ZNF850: variants seen among roughly 807,000 people sequenced by gnomAD.
ZNF850 encodes the protein zinc finger protein 850.
In ZNF850, 2 loss-of-function variants were observed where a neutral mutation model predicts 11.9. The ratio of observed to expected loss-of-function variants is 0.17; its 90% CI spans 0.07 to 0.53. The LOEUF (loss-of-function observed/expected upper bound fraction) is 0.53, where lower values mean the gene tolerates loss of function less well. Among genes scored for constraint, ZNF850 ranks in the 20% least tolerant of loss-of-function variants. The pLI is 0.94. For missense variants in ZNF850, 1,014 were observed against 1,316.4 expected, an observed-to-expected ratio of 0.77 and a Z score of 3.55; for synonymous variants, 381 against 443.0, an observed-to-expected ratio of 0.86 and a Z score of 1.76.
rs192619916 is a variant in ZNF850 at position 36,747,598 on chromosome 19, T to C, written c.*169A>G. ...TTGCAGTGAGCCGAGATAGCGCCAC[T>C]GCACTCCAGCCTGGGCGACAGAGCA... On this transcript the variant is annotated 3_prime_UTR_variant, in exon 5 of 5. Coordinates refer to ENST00000591344, the MANE Select transcript of ZNF850 (RefSeq NM_001193552.2). 9.5e-5 allele frequency: 60 copies of C among 628,492 alleles called. No individual in the cohort carries two copies. In the East Asian group the frequency reaches 1.4e-3, roughly 15 times the overall value. 38.9% of individuals were successfully genotyped at this position (628,492 alleles called of 1,614,324 possible). A position where few individuals can be genotyped will look rare whatever the true frequency, so the allele number is the denominator to read the frequency against.
In ZNF850 at chr19:36,747,847, A is replaced by T; in HGVS notation, c.3193T>A (p.Tyr1065Asn). The T allele has an allele frequency of 6.3e-7, 1 of 1,581,380 alleles. No homozygotes were observed. ...GCCTTCCCACATGTCTTACATTCAT[A>T]GGGTTTCTCGCCAGTGTGAACACTC... ...HQSVHTGEKPYECKTCGKAFK... is the reference protein window; with the variant it reads ...HQSVHTGEKPNECKTCGKAFK... The change falls in exon 5 of 5, where the codon TAT becomes AAT. Residue 1065 changes from tyrosine to asparagine, a missense_variant. By Grantham distance (143) the Tyr-to-Asn change is moderately radical. Transcript: ENST00000591344.
intron 4 of ZNF850, among the ~76,000 whole-genome samples, chr19:36,753,438 A>AAAAC (rs1223583594): frequency 6.8e-6 from 1 of 147,080 alleles, no homozygotes; most frequent in African/African-American, 2.5e-5. Context: ...AAAAAAAAAA[A>AAAAC]AAAAAAAAGC....
At chr19:36,758,818 T>C (rs1030982963) in intron 4 of ZNF850, among the ~76,000 whole-genome samples, 8 of 152,000 alleles carry the variant, frequency 5.3e-5, no homozygotes, top group African/African-American at 1.2e-4. Flanking sequence ...GTGGCTCATG[T>C]CTGTAATCCC....
chr19:36,759,876 C>T (rs2040508157), intron 4 of ZNF850, among the ~76,000 whole-genome samples: 1 of 152,064 alleles, frequency 6.6e-6, no homozygotes, highest in Non-Finnish European at 1.5e-5. Flanking sequence ...AAAGAAAAAT[C>T]CCTCAGTCTA....
intron 1 of ZNF850, among the ~76,000 whole-genome samples, chr19:36,767,557 C>CA (rs917961949): frequency 4.5e-4 from 65 of 144,804 alleles, no homozygotes; most frequent in East Asian, 2.8e-3. Flanking sequence ...AACTCTATCT[C>CA]AAAAAAAAAA....
chr19:36,757,954 C>T (rs745744742), intron 4 of ZNF850, among the ~76,000 whole-genome samples: 1 of 152,064 alleles, frequency 6.6e-6, no homozygotes, highest in Admixed American at 6.6e-5. Context: ...CCCAAAGCCC[C>T]GGAGTTACAG....
At position 36,749,143 on chromosome 19, in the gene ZNF850, T is replaced by C; in HGVS notation, c.1897A>G (p.Thr633Ala). The part of the protein sequence containing the change: ...GKAFRLRLRL[T>A]QHQQIHTGEK... ...CCAGTATGGATTTGTTGATGTTGAG[T>C]AAGTCGTAAACGAAGTCTAAAGGCC... is the stretch of plus-strand genomic sequence containing the variant. The change falls in exon 5 of 5, where the codon ACT becomes GCT. Residue 633 changes from threonine to alanine, a missense_variant. This residue lies in a region of ZNF850 where 835 missense variants were observed against 1,022.0 expected (regional missense o/e 0.82). Coordinates refer to ENST00000591344, the MANE Select transcript of ZNF850 (RefSeq NM_001193552.2). 1 of 1,604,194 alleles carries C rather than the reference T, an allele frequency of 6.2e-7. No homozygotes were observed. Among genetic ancestry groups the C allele is most frequent in the Non-Finnish European group, 8.5e-7 (1 of 1,176,842 alleles).
chr19:36,751,928 T>C (rs2040456604), intron 4 of ZNF850, among the ~76,000 whole-genome samples: 1 of 152,154 alleles, frequency 6.6e-6, no homozygotes, highest in African/African-American at 2.4e-5. Flanking sequence ...GTCTCTGTAC[T>C]AACCTCACAA....
chr19:36,750,063 C>A lies in ZNF850; in HGVS notation c.977G>T (p.Arg326Leu), dbSNP rs769582081. 6.5e-6 allele frequency: 10 copies of A among 1,537,554 alleles called. No individual in the cohort carries two copies. The highest frequency in any genetic ancestry group is 8.7e-6 in the Non-Finnish European group (10 of 1,146,604). The change falls in exon 5 of 5, where the codon CGA (arginine) becomes CTA (leucine). Residue 326 changes from arginine to leucine, a missense_variant. Around this residue, in one of 2 missense-constraint regions of ZNF850, gnomAD observed 835 missense variants for 1,022.0 expected, o/e 0.82. Coordinates refer to ENST00000591344, the MANE Select transcript of ZNF850 (RefSeq NM_001193552.2). The part of the protein sequence containing the change: ...KSFTVGSTLI[R>L]HQQIHTGEKP... Reference sequence around the variant, plus strand: ...CTCACCAGTGTGAATTTGCTGGTGTCGAATTAGTGTTGAGCCAACAGTAAA... The same window carrying A: ...CTCACCAGTGTGAATTTGCTGGTGTAGAATTAGTGTTGAGCCAACAGTAAA...
chr19:36,764,725 C>CTTTTTT (rs35367899), intron 1 of ZNF850, among the ~76,000 whole-genome samples: 4 of 126,834 alleles, frequency 3.2e-5, no homozygotes, highest in East Asian at 2.2e-4. Context: ...TTTCCTTTCC[C>CTTTTTT]TTTTTTTTTT....
intron 4 of ZNF850, among the ~76,000 whole-genome samples, chr19:36,759,111 T>G (rs2040503829): frequency 6.6e-6 from 1 of 151,162 alleles, no homozygotes; most frequent in Admixed American, 6.6e-5. Context: ...CCCAGGAATC[T>G]CACATCTGAA....
chr19:36,750,649 C>T lies in ZNF850; in HGVS notation c.391G>A (p.Asp131Asn). ...WECKGQFQHQ[D>N]INQERYLEKA... ...TCCAAATATCGCTCCTGATTTATATCTTGGTGCTGAAACTGGCCTTTGCAT... is the reference window on the plus strand; with the variant it reads ...TCCAAATATCGCTCCTGATTTATATTTTGGTGCTGAAACTGGCCTTTGCAT... Residue 131 changes from aspartate (D) to asparagine (N), a missense_variant, in exon 5 of 5, where the codon GAT becomes AAT. Asp to Asn is a conservative substitution (Grantham distance 23). Transcript: ENST00000591344. 6.5e-7 allele frequency: 1 copy of T among 1,536,086 alleles called. No homozygotes were observed. The highest frequency in any genetic ancestry group is 8.7e-7 in the Non-Finnish European group (1 of 1,146,926).
At chr19:36,766,827 G>A (rs145514827) in intron 1 of ZNF850, among the ~76,000 whole-genome samples, 1 of 152,218 alleles carries the variant, frequency 6.6e-6, no homozygotes, top group South Asian at 2.1e-4. Context: ...TTTTGGCCAT[G>A]TGTGGTGGCT....
intron 1 of ZNF850, among the ~76,000 whole-genome samples, chr19:36,767,573 C>T (rs2040556355): frequency 6.9e-6 from 1 of 145,058 alleles, no homozygotes; most frequent in Admixed American, 6.9e-5. Flanking sequence ...AAAAAGAATA[C>T]AAAAAATTAG....
chr19:36,762,339 T>C lies in ZNF850; in HGVS notation c.105A>G (p.Val35=), dbSNP rs1346279583. 3 of 1,586,936 alleles carry C rather than the reference T, an allele frequency of 1.9e-6. No individual in the cohort carries two copies. Among genetic ancestry groups the C allele is most frequent in the Non-Finnish European group, 2.6e-6 (3 of 1,172,824 alleles). ...CCAGGCTGCTGTAGTTCTCCATCAT[T>C]ACATCTCTGTATAAGTCCTTCTGAG... ...DAAQKDLYRD[V]MMENYSSLVS... The change falls in exon 3 of 5, where the codon GTA becomes GTG. Residue 35 remains valine (V), a synonymous_variant. Coordinates refer to ENST00000591344, the MANE Select transcript of ZNF850 (RefSeq NM_001193552.2).
chr19:36,750,729 A>G lies in ZNF850; in HGVS notation c.311T>C (p.Val104Ala). The G allele has an allele frequency of 6.5e-7, 1 of 1,535,960 alleles. No homozygotes were observed. The highest frequency in any genetic ancestry group is 8.7e-7 in the Non-Finnish European group (1 of 1,146,788). The change falls in exon 5 of 5, where the codon GTG becomes GCG. Residue 104 changes from valine to alanine, a missense_variant. By Grantham distance (64) the Val-to-Ala change is moderately conservative (BLOSUM62 0). Around this residue, in one of 2 missense-constraint regions of ZNF850, gnomAD observed 835 missense variants for 1,022.0 expected, o/e 0.82. Transcript: ENST00000591344. Reference sequence around the variant, plus strand: ...AAGGCTATGACATTTTTCCATTCTCACCCACTGAGATGATGTTACTTCATA... The same window carrying G: ...AAGGCTATGACATTTTTCCATTCTCGCCCACTGAGATGATGTTACTTCATA... ...EIYEVTSSQW[V>A]RMEKCHSLVG...
At chr19:36,760,507 T>C (rs1223171947) in intron 4 of ZNF850, among the ~76,000 whole-genome samples, 1 of 151,886 alleles carries the variant, frequency 6.6e-6, no homozygotes, top group Non-Finnish European at 1.5e-5. Flanking sequence ...ATATCTTCCA[T>C]AACTGTCACC....
Position 36,748,069 on chromosome 19 carries a change from T to G in ZNF850, c.2971A>C (p.Thr991Pro). ...YECKECGKSF[T>P]CGSELIRHQR... ...TGTCGAATTAGTTCTGAGCCGCAAG[T>G]AAAAGATTTCCCACATTCTTTACAT... The change falls in exon 5 of 5, where the codon ACT becomes CCT. Residue 991 changes from threonine to proline, a missense_variant. Thr to Pro is a conservative substitution (Grantham distance 38, BLOSUM62 -1). This residue lies in a region of ZNF850 where 179 missense variants were observed against 294.4 expected (regional missense o/e 0.61). Transcript: ENST00000591344. 1.3e-6 allele frequency: 2 copies of G among 1,561,312 alleles called. No individual in the cohort carries two copies. The highest frequency in any genetic ancestry group is 1.7e-6 in the Non-Finnish European group (2 of 1,156,734).
Position 36,748,906 on chromosome 19 carries a change from A to G in ZNF850, c.2134T>C (p.Phe712Leu). ...TGATGTTGAATTAGTCCTGAGCAGA[A>G]AGTAAAAGATTTCCCACATTCTTTA... ...ECKECGKSFTFCSGLIQHQQN... is the reference protein window; with the variant it reads ...ECKECGKSFTLCSGLIQHQQN... The change falls in exon 5 of 5, where the codon TTC (phenylalanine) becomes CTC (leucine). Residue 712 changes from phenylalanine to leucine, a missense_variant. Coordinates refer to ENST00000591344, the MANE Select transcript of ZNF850 (RefSeq NM_001193552.2). 6.4e-7 allele frequency: 1 copy of G among 1,561,472 alleles called. No homozygotes were observed. The highest frequency in any genetic ancestry group is 8.7e-7 in the Non-Finnish European group (1 of 1,155,778).
Sources: allele counts gnomAD v4.1 joint callset (sites outside exome capture counted in the v4.1 genomes callset), GRCh38; gene constraint gnomAD v4.1.1; regional missense constraint gnomAD v4.1.1; transcripts MANE v1.5; gene names NCBI Gene and HGNC (gene_info 2026-07-23, HGNC 2026-07-21).